DNAH7: variants seen among roughly 807,000 people sequenced by gnomAD.
The protein encoded by DNAH7 is axonemal beta dynein heavy chain 7.
DNAH7 carries 397 observed loss-of-function variants against 444.6 expected under a neutral mutation model. That is an observed-to-expected ratio of 0.89 (90% CI 0.82 to 0.97). The LOEUF (loss-of-function observed/expected upper bound fraction) is 0.97, where lower values mean the gene tolerates loss of function less well. Among genes scored for constraint, DNAH7 ranks in the 50% least tolerant of loss-of-function variants. The pLI, the probability that DNAH7 is intolerant of heterozygous loss-of-function variation, is 0.00. For missense variants in DNAH7, 4,902 were observed against 4,800.8 expected (o/e 1.02, Z -0.62); for synonymous variants, 1,636 against 1,624.4 (o/e 1.01, Z -0.17).
chr2:195,803,413 A>G (rs1010135358), intron 54 of DNAH7, among the ~76,000 whole-genome samples: 2 of 152,252 alleles, frequency 1.3e-5, no homozygotes, highest in African/African-American at 4.8e-5. Flanking sequence ...GAGAGTGATC[A>G]GAGACAAATT....
chr2:195,739,487 G>T (rs1050895822), intron 64 of DNAH7, among the ~76,000 whole-genome samples: 1 of 152,206 alleles, frequency 6.6e-6, no homozygotes, highest in Non-Finnish European at 1.5e-5. Context: ...TCATGATGCA[G>T]TTATAGATTG....
chr2:195,743,177 G>C (rs1693152732), intron 63 of DNAH7, among the ~76,000 whole-genome samples: 1 of 152,240 alleles, frequency 6.6e-6, no homozygotes, highest in Admixed American at 6.5e-5. Flanking sequence ...TGGTTTGCCA[G>C]GGGCTCTTGG....
At chr2:195,936,546 A>C in intron 20 of DNAH7, 53 bp downstream of exon 20, 1 of 1,290,864 alleles carries the variant, frequency 7.7e-7, no homozygotes, top group Admixed American at 2.6e-5. Context: ...TGTTCTAAAA[A>C]TTAAGTTTAA....
At chr2:195,964,061 C>T (rs1691295811) in intron 17 of DNAH7, among the ~76,000 whole-genome samples, 1 of 152,066 alleles carries the variant, frequency 6.6e-6, no homozygotes, top group Non-Finnish European at 1.5e-5. Context: ...CAGTTTTGTT[C>T]TTTTTGTTCA....
At chr2:195,959,319 C>CTGT (rs147466447) in intron 18 of DNAH7, among the ~76,000 whole-genome samples, 2,721 of 152,230 alleles carry the variant, frequency 0.018, 72 homozygotes, top group African/African-American at 0.061. Context: ...CTGCTTTCTT[C>CTGT]TGTTGTTCTT....
chr2:195,855,979 T>G lies in DNAH7; in HGVS notation c.8427A>C (p.Ile2809=). The change falls in exon 45 of 65, where the codon ATA becomes ATC. Residue 2809 remains isoleucine (I), a synonymous_variant. Transcript: ENST00000312428. Reference sequence around the variant, plus strand: ...CCAGTTTTATCTTTTTGGGAGCTACTATTTTTGCCACTCTGCAAAAAGTAA... The same window carrying G: ...CCAGTTTTATCTTTTTGGGAGCTACGATTTTTGCCACTCTGCAAAAAGTAA... ...AMDSYDKVAK[I]VAPKKIKLAA... 3 of 1,609,722 alleles carry G rather than the reference T, an allele frequency of 1.9e-6. No homozygotes were observed. In the South Asian group the frequency reaches 3.3e-5, roughly 18 times the overall value.
intron 59 of DNAH7, 123 bp from the exon 60 acceptor site, chr2:195,776,106 A>T: frequency 1.6e-6 from 2 of 1,218,634 alleles, no homozygotes; most frequent in Non-Finnish European, 2.3e-6. Context: ...GACACTGGAC[A>T]TTGAGTGCTT....
At chr2:195,976,933 T>C (rs2125594083) in intron 15 of DNAH7, among the ~76,000 whole-genome samples, 1 of 152,232 alleles carries the variant, frequency 6.6e-6, no homozygotes, top group Middle Eastern at 3.4e-3. Flanking sequence ...GGGCTTGGGG[T>C]ATCCCTTAAT....
rs753800962 is a variant in DNAH7, at chr2:195,777,789, G to A, written c.11064+11C>T. 5.0e-6 allele frequency: 8 copies of A among 1,595,778 alleles called. No homozygotes were observed. Among genetic ancestry groups the A allele is most frequent in the Non-Finnish European group, 6.0e-6 (7 of 1,167,504 alleles). On this transcript the variant is annotated intron_variant, in intron 59 of 64. Transcript: ENST00000312428. The stretch of plus-strand genomic sequence containing the variant: ...CTTACTGCTTTTAGTTTTTTTGAAG[G>A]GCATACTTACATCACCAGAAGGAGG...
At chr2:195,890,989 T>C (rs899495773) in intron 31 of DNAH7, among the ~76,000 whole-genome samples, 1 of 152,242 alleles carries the variant, frequency 6.6e-6, no homozygotes, top group Non-Finnish European at 1.5e-5. Context: ...TCCCGTATAA[T>C]CACATGCTCT....
intron 5 of DNAH7, among the ~76,000 whole-genome samples, chr2:196,034,143 TA>T (rs1309609008): frequency 2.0e-5 from 3 of 152,190 alleles, no homozygotes; most frequent in Non-Finnish European, 4.4e-5. Context: ...CACATGATCG[TA>T]TGTATAGGAA....
intron 17 of DNAH7, 100 bp from the exon 18 acceptor site, chr2:195,961,045 CCTTA>C (rs1691065031): frequency 9.5e-6 from 9 of 944,838 alleles, no homozygotes; most frequent in Non-Finnish European, 1.3e-5. Context: ...GCCAAAAAAA[CCTTA>C]CTAAGCCCTG....
intron 61 of DNAH7, among the ~76,000 whole-genome samples, chr2:195,757,949 A>C (rs1694163736): frequency 6.6e-6 from 1 of 152,196 alleles, no homozygotes; most frequent in African/African-American, 2.4e-5. Context: ...AAATCCCTAG[A>C]GTGGGAAATG....
intron 48 of DNAH7, among the ~76,000 whole-genome samples, chr2:195,829,409 G>A (rs1697952045): frequency 1.3e-5 from 2 of 151,622 alleles, no homozygotes; most frequent in Admixed American, 1.3e-4. Flanking sequence ...CACCTTCATT[G>A]TTTCTTGTTT....
At chr2:195,907,409 G>C (rs1687095364) in intron 25 of DNAH7, among the ~76,000 whole-genome samples, 1 of 152,020 alleles carries the variant, frequency 6.6e-6, no homozygotes, top group Non-Finnish European at 1.5e-5. Context: ...TGTGGTTTGA[G>C]CACCTTAATA....
intron 5 of DNAH7, among the ~76,000 whole-genome samples, chr2:196,031,393 T>C (rs1297668771): frequency 1.3e-5 from 2 of 152,220 alleles, no homozygotes; most frequent in Non-Finnish European, 2.9e-5. Flanking sequence ...ACCTCTGACA[T>C]GCCCTGGAAA....
chr2:196,011,149 G>C (rs539842963), intron 10 of DNAH7, among the ~76,000 whole-genome samples: 5 of 152,266 alleles, frequency 3.3e-5, no homozygotes, highest in Non-Finnish European at 5.9e-5. Context: ...ATAGCTAGAA[G>C]AGAAGATTTG....
chr2:196,008,061 A>G (rs1168696862), intron 10 of DNAH7, among the ~76,000 whole-genome samples: 1 of 152,158 alleles, frequency 6.6e-6, no homozygotes, highest in Non-Finnish European at 1.5e-5. Flanking sequence ...CTCAACAACA[A>G]AATATCAGAT....
At chr2:196,060,671 C>T (rs1217788148) in intron 1 of DNAH7, among the ~76,000 whole-genome samples, 4 of 152,140 alleles carry the variant, frequency 2.6e-5, no homozygotes, top group East Asian at 1.9e-4. Context: ...AGCAATTGCC[C>T]GATTTTTCTG....
Sources: allele counts gnomAD v4.1 joint callset (sites outside exome capture counted in the v4.1 genomes callset), GRCh38; gene constraint gnomAD v4.1.1; transcripts MANE v1.5; gene names NCBI Gene and HGNC (gene_info 2026-07-23, HGNC 2026-07-21).